TSPAN14: variants seen among roughly 807,000 people sequenced by gnomAD.
The protein encoded by TSPAN14 is tetraspanin-14.
Under a neutral mutation model 36.6 loss-of-function variants are expected in TSPAN14, and 16 were observed. The observed-to-expected ratio is 0.44, with a 90% CI of 0.30 to 0.66. The LOEUF is 0.66. Among genes scored for constraint, TSPAN14 ranks in the 30% least tolerant of loss-of-function variants. The pLI is 0.12. For synonymous variants in TSPAN14, 139 were observed against 143.8 expected (o/e 0.97, Z 0.24); for missense variants, 231 against 355.1 (o/e 0.65, Z 2.81).
At chr10:80,487,119 C>A (rs1847649366) in intron 1 of TSPAN14, among the ~76,000 whole-genome samples, 1 of 152,214 alleles carries the variant, frequency 6.6e-6, no homozygotes, top group Non-Finnish European at 1.5e-5. Context: ...TAATTTGAAA[C>A]AAGCTGGTGA....
chr10:80,483,489 G>T (rs1020416424), intron 1 of TSPAN14, among the ~76,000 whole-genome samples: 3 of 152,198 alleles, frequency 2.0e-5, no homozygotes, highest in African/African-American at 7.2e-5. Flanking sequence ...TTGATTAAGG[G>T]TGTGACCTTT....
At chr10:80,476,347 G>A (rs12777660) in intron 1 of TSPAN14, among the ~76,000 whole-genome samples, 60 of 152,146 alleles carry the variant, frequency 3.9e-4, no homozygotes, top group Non-Finnish European at 6.8e-4. Flanking sequence ...TTGAGCCTAG[G>A]CGACAGAGCA....
intron 7 of TSPAN14, chr10:80,515,706 C>T (rs1335876444): frequency 4.9e-5 from 8 of 163,586 alleles, no homozygotes; most frequent in African/African-American, 2.4e-5. Context: ...GACACCCCAC[C>T]GGGGTTAGCA....
chr10:80,520,887 C>T (rs1249455315), exon 9 of TSPAN14: 1 of 515,128 alleles, frequency 1.9e-6, no homozygotes, highest in South Asian at 1.5e-5. Flanking sequence ...CCAGGCTCGC[C>T]AGTTCTCTGA....
chr10:80,489,150 G>T, intron 1 of TSPAN14, 67 bp from the exon 2 acceptor site: 1 of 1,055,032 alleles, frequency 9.5e-7, no homozygotes, highest in South Asian at 1.4e-5. Flanking sequence ...ATCCGCATAT[G>T]AGCTGGTTTG....
At chr10:80,512,062 C>A in intron 5 of TSPAN14, 82 bp from the exon 6 acceptor site, 1 of 1,587,084 alleles carries the variant, frequency 6.3e-7, no homozygotes, top group Non-Finnish European at 8.6e-7. Flanking sequence ...CTTAGCCTGG[C>A]ATCACTATGA....
exon 8 of TSPAN14, chr10:80,516,228 A>G (rs777020561): frequency 6.2e-6 from 10 of 1,614,098 alleles, no homozygotes; most frequent in African/African-American, 1.3e-5. Context: ...GGATGAGTCC[A>G]TCTTCACGAA....
chr10:80,460,314 C>T (rs1186526797), intron 1 of TSPAN14, among the ~76,000 whole-genome samples: 4 of 152,120 alleles, frequency 2.6e-5, no homozygotes, highest in Non-Finnish European at 5.9e-5. Context: ...GGAGATAGTA[C>T]AGGATGAGAA....
chr10:80,492,711 G>A (rs1046969329), intron 2 of TSPAN14, among the ~76,000 whole-genome samples: 10 of 152,098 alleles, frequency 6.6e-5, no homozygotes, highest in African/African-American at 2.4e-4. Flanking sequence ...AGCTACTCAG[G>A]AGGCTGAGGC....
At chr10:80,486,845 T>A (rs1047104460) in intron 1 of TSPAN14, among the ~76,000 whole-genome samples, 1 of 152,154 alleles carries the variant, frequency 6.6e-6, no homozygotes, top group Non-Finnish European at 1.5e-5. Flanking sequence ...TTTTTTTTCA[T>A]CCTATATGCA....
At chr10:80,520,514 C>A in exon 9 of TSPAN14, 1 of 464,724 alleles carries the variant, frequency 2.2e-6, no homozygotes, top group Non-Finnish European at 4.4e-6. Flanking sequence ...GTGGCATTTG[C>A]ACCCTCTTCT....
rs1197271629 is a variant in TSPAN14 at position 80,509,444 on chromosome 10, A to G, written c.423A>G (p.Gln141=). Residue 141 remains glutamine (Q), a synonymous_variant, in exon 5 of 9, where the codon CAA becomes CAG. Coordinates refer to ENST00000429989, the Ensembl canonical transcript of TSPAN14. The surrounding 1 kb of genome is among the most constrained non-coding windows in gnomAD (Gnocchi z 4.7). Reference sequence around the variant, plus strand: ...CCTACCGGGACGATATCGATCTGCAAAACCTCATCGACTCCCTTCAGAAAG... The same window carrying G: ...CCTACCGGGACGATATCGATCTGCAGAACCTCATCGACTCCCTTCAGAAAG... 3 of 1,614,028 alleles carry G rather than the reference A, an allele frequency of 1.9e-6. No homozygotes were observed. The highest frequency in any genetic ancestry group is 1.1e-5 in the South Asian group (1 of 91,076).
At chr10:80,506,772 C>T (rs761875600) in intron 3 of TSPAN14, among the ~76,000 whole-genome samples, 65 of 152,362 alleles carry the variant, frequency 4.3e-4, no homozygotes, top group South Asian at 8.3e-4. Flanking sequence ...ATTGCTTTGG[C>T]CTGCCCTTGG....
chr10:80,489,525 C>G (rs1276916762), intron 2 of TSPAN14, among the ~76,000 whole-genome samples: 1 of 152,234 alleles, frequency 6.6e-6, no homozygotes, highest in Non-Finnish European at 1.5e-5. Flanking sequence ...AGAGTAAGGC[C>G]AACCCAGCCT....
chr10:80,504,827 A>T (rs747424569), intron 3 of TSPAN14, 49 bp downstream of exon 3: 3 of 1,603,988 alleles, frequency 1.9e-6, no homozygotes, highest in Non-Finnish European at 2.6e-6. Flanking sequence ...CCAAAACCAG[A>T]TTCGTTGGAC....
intron 7 of TSPAN14, among the ~76,000 whole-genome samples, chr10:80,514,489 C>T (rs879499959): frequency 3.3e-5 from 5 of 152,046 alleles, no homozygotes; most frequent in East Asian, 1.9e-4. Context: ...GGGGCAGGGG[C>T]GAGGCTCTGT....
At chr10:80,484,799 C>G (rs1208725294) in intron 1 of TSPAN14, among the ~76,000 whole-genome samples, 1 of 151,816 alleles carries the variant, frequency 6.6e-6, no homozygotes, top group Non-Finnish European at 1.5e-5. Context: ...TTGTTTTTTC[C>G]TGTTGCCTCA....
At chr10:80,464,783 C>T (rs998953930) in intron 1 of TSPAN14, among the ~76,000 whole-genome samples, 4 of 150,816 alleles carry the variant, frequency 2.7e-5, no homozygotes, top group South Asian at 2.1e-4. Context: ...GCTGAGGAGG[C>T]GGGACCTGGG....
rs767571263 is a variant in TSPAN14, at chr10:80,509,363, G to A, written c.342G>A (p.Leu114=). ...TGGCTGTGGCCGTGCTGGCCTTCCT[G>A]TTCCAGGACTGGGTGAGGGACCGGT... The change falls in exon 5 of 9, where the codon CTG becomes CTA. Residue 114 remains leucine, a synonymous_variant. Transcript: ENST00000429989. The surrounding 1 kb of genome is among the most constrained non-coding windows in gnomAD (Gnocchi z 4.7). 2 of 1,614,176 alleles carry A rather than the reference G, an allele frequency of 1.2e-6. No individual in the cohort carries two copies. Among genetic ancestry groups the A allele is most frequent in the Non-Finnish European group, 1.7e-6 (2 of 1,180,028 alleles).
Sources: allele counts gnomAD v4.1 joint callset (sites outside exome capture counted in the v4.1 genomes callset), GRCh38; gene constraint gnomAD v4.1.1; non-coding constraint Gnocchi (gnomAD v3.1); transcripts MANE v1.5; gene names NCBI Gene and HGNC (gene_info 2026-07-23, HGNC 2026-07-21).